The following FBXL17 variants were observed in gnomAD, a reference collection of about 807,000 sequenced individuals.
FBXL17 encodes F-box/LRR-repeat protein 17.
A neutral mutation model predicts 66.2 loss-of-function variants in FBXL17; 22 were observed. The ratio of observed to expected loss-of-function variants is 0.33; its 90% CI spans 0.24 to 0.47. The LOEUF (loss-of-function observed/expected upper bound fraction) is 0.47, where lower values mean the gene tolerates loss of function less well. Ranked by LOEUF, FBXL17 falls within the 20% of genes least tolerant of loss-of-function variation. The probability of loss-of-function intolerance (pLI) is 1.00; values close to 1 mark genes in which losing one functional copy is unlikely to be tolerated. For missense variants in FBXL17, 878 were observed against 948.2 expected, an observed-to-expected ratio of 0.93 and a Z score of 0.97; for synonymous variants, 474 against 400.5, an observed-to-expected ratio of 1.18 and a Z score of -2.19.
At chr5:107,924,243 A>G (rs1750422079) in intron 7 of FBXL17, among the ~76,000 whole-genome samples, 1 of 152,038 alleles carries the variant, frequency 6.6e-6, no homozygotes, top group South Asian at 2.1e-4. Flanking sequence ...GCCTTCACCA[A>G]GAAATACCAA....
chr5:107,864,269 G>A (rs1006639407), intron 8 of FBXL17, among the ~76,000 whole-genome samples: 2 of 152,110 alleles, frequency 1.3e-5, no homozygotes, highest in African/African-American at 4.8e-5. Flanking sequence ...ATTCTCTATA[G>A]CATTAATCAA....
At chr5:108,293,751 T>C (rs1758217884) in intron 4 of FBXL17, among the ~76,000 whole-genome samples, 1 of 151,990 alleles carries the variant, frequency 6.6e-6, no homozygotes, top group Admixed American at 6.6e-5. Flanking sequence ...TCAGAAGTAA[T>C]GTATTTTGGC....
chr5:107,965,542 T>C (rs1752091659), intron 7 of FBXL17, among the ~76,000 whole-genome samples: 2 of 152,056 alleles, frequency 1.3e-5, no homozygotes, highest in African/African-American at 4.8e-5. Context: ...AAATAGAAAA[T>C]CCCAGACCTT....
At chr5:108,003,372 G>T (rs1434840896) in intron 7 of FBXL17, among the ~76,000 whole-genome samples, 1 of 152,112 alleles carries the variant, frequency 6.6e-6, no homozygotes, top group Non-Finnish European at 1.5e-5. Flanking sequence ...AGCAAACACA[G>T]ATCTTTGAAA....
chr5:108,314,578 T>G (rs1472093744), intron 4 of FBXL17, among the ~76,000 whole-genome samples: 1 of 151,538 alleles, frequency 6.6e-6, no homozygotes, highest in Admixed American at 6.6e-5. Context: ...TGTTATAAAT[T>G]TAATTCAGAT....
intron 6 of FBXL17, among the ~76,000 whole-genome samples, chr5:108,025,703 A>AC (rs1754780244): frequency 8.3e-6 from 1 of 120,956 alleles, no homozygotes; most frequent in African/African-American, 4.2e-5. Context: ...ACACACACAC[A>AC]AACACACACA....
chr5:108,016,502 G>C (rs960295560), intron 7 of FBXL17, among the ~76,000 whole-genome samples: 9 of 152,164 alleles, frequency 5.9e-5, no homozygotes, highest in Non-Finnish European at 1.3e-4. Context: ...AGTGAAAAAA[G>C]AATGTGACAA....
At chr5:108,111,380 T>C (rs1200043454) in intron 6 of FBXL17, among the ~76,000 whole-genome samples, 1 of 152,196 alleles carries the variant, frequency 6.6e-6, no homozygotes. Flanking sequence ...TTAAAGTTTT[T>C]TGGAATTGTC....
In FBXL17 at chr5:108,108,301, T is replaced by C. The variant is rs554709545; in HGVS notation, c.1745+77816A>G. On this transcript the variant is annotated intron_variant, in intron 6 of 8. Coordinates refer to ENST00000542267, the MANE Select transcript of FBXL17 (RefSeq NM_001163315.3). Reference sequence around the variant, plus strand: ...CTGGAATATAACCCCACAAAGACAGTGTAGTTTTATTTTATTCACTGCTGT... The same window carrying C: ...CTGGAATATAACCCCACAAAGACAGCGTAGTTTTATTTTATTCACTGCTGT... Among the ~76,000 whole-genome samples, 9 of 152,288 alleles carry C rather than the reference T, an allele frequency of 5.9e-5. No homozygotes were observed. In the South Asian group the frequency reaches 8.3e-4, roughly 14 times the overall value.
intron 4 of FBXL17, chr5:108,298,935 ATTAT>A: frequency 1.1e-6 from 1 of 948,452 alleles, no homozygotes; most frequent in Non-Finnish European, 1.3e-6. Context: ...TTTAAATAAT[ATTAT>A]TTACTTTCAG....
At chr5:108,199,324 C>T (rs1272222467) in intron 5 of FBXL17, among the ~76,000 whole-genome samples, 1 of 152,110 alleles carries the variant, frequency 6.6e-6, no homozygotes, top group Non-Finnish European at 1.5e-5. Context: ...TAACCAATAA[C>T]TCAAATAACT....
At chr5:107,980,664 A>ATATATATATTT in intron 7 of FBXL17, among the ~76,000 whole-genome samples, 3 of 62,078 alleles carry the variant, frequency 4.8e-5, no homozygotes, top group Non-Finnish European at 8.2e-5. Context: ...ATATATATAT[A>ATATATATATTT]TTTTTTTTTT....
chr5:107,977,412 G>T (rs1360600027), intron 7 of FBXL17, among the ~76,000 whole-genome samples: 2 of 152,158 alleles, frequency 1.3e-5, no homozygotes, highest in African/African-American at 4.8e-5. Flanking sequence ...AATCTTGCAA[G>T]GTTGGTATTA....
intron 4 of FBXL17, among the ~76,000 whole-genome samples, chr5:108,278,005 A>ACC (rs1757553440): frequency 1.5e-5 from 1 of 66,436 alleles, no homozygotes; most frequent in Non-Finnish European, 2.9e-5. Flanking sequence ...CTAAGAGGGA[A>ACC]CACGAGTTCA....
intron 6 of FBXL17, among the ~76,000 whole-genome samples, chr5:108,094,711 C>T (rs1483495042): frequency 6.6e-6 from 1 of 151,946 alleles, no homozygotes; most frequent in African/African-American, 2.4e-5. Flanking sequence ...CAAAGGGCCC[C>T]CATAGTCTGC....
chr5:108,099,329 G>A (rs1262235712), intron 6 of FBXL17, among the ~76,000 whole-genome samples: 4 of 152,110 alleles, frequency 2.6e-5, no homozygotes, highest in Non-Finnish European at 1.5e-5. Context: ...CTTAGGCTAG[G>A]CCTGAGAATT....
chr5:107,996,146 T>C (rs1753462294), intron 7 of FBXL17, among the ~76,000 whole-genome samples: 1 of 152,230 alleles, frequency 6.6e-6, no homozygotes, highest in South Asian at 2.1e-4. Context: ...GCCTGATTTT[T>C]TTCCCTTTGT....
At chr5:108,322,908 G>A (rs769569549) in intron 4 of FBXL17, among the ~76,000 whole-genome samples, 11 of 151,862 alleles carry the variant, frequency 7.2e-5, no homozygotes, top group Non-Finnish European at 1.5e-5. Context: ...AACATGTTCG[G>A]TTTATAGCTA....
intron 7 of FBXL17, among the ~76,000 whole-genome samples, chr5:107,940,241 T>TCA (rs1445694782): frequency 7.9e-6 from 1 of 126,182 alleles, no homozygotes; most frequent in African/African-American, 2.7e-5. Context: ...AGAATAAATT[T>TCA]TATTCATTCA....
Sources: gnomAD v4.1 joint callset for allele counts (sites outside exome capture counted in the v4.1 genomes callset) on GRCh38, gnomAD v4.1.1 for gene constraint, MANE v1.5 for transcripts, NCBI Gene and HGNC (gene_info 2026-07-23, HGNC 2026-07-21) for gene names.